Variants in DGKD observed in about 807,000 individuals in gnomAD.
DGKD encodes DAG kinase delta.
DGKD carries 68 observed loss-of-function variants against 154.4 expected under a neutral mutation model. The ratio of observed to expected loss-of-function variants is 0.44; its 90% CI spans 0.36 to 0.54. DGKD has a LOEUF of 0.54. Among genes scored for constraint, DGKD ranks in the 20% least tolerant of loss-of-function variants. The pLI, the probability that DGKD is intolerant of heterozygous loss-of-function variation, is 0.00. For missense variants in DGKD, 1,343 were observed against 1,593.6 expected (o/e 0.84, Z 2.68); for synonymous variants, 693 against 638.0 (o/e 1.09, Z -1.30).
chr2:233,427,322 C>G (rs2062341178), intron 3 of DGKD, among the ~76,000 whole-genome samples: 1 of 144,910 alleles, frequency 6.9e-6, no homozygotes, highest in African/African-American at 2.6e-5. Context: ...CTGTTGAGTT[C>G]AGTTTATTGC....
chr2:233,430,434 G>A lies in DGKD; in HGVS notation c.349-3946G>A, dbSNP rs553388508. On this transcript the variant is annotated intron_variant, in intron 3 of 29. Transcript: ENST00000264057. ...GATATTGCTAAGGAGTGATGGCCGG[G>A]ATATGTAATTAAATGGAAAGGCAAA... Among the ~76,000 whole-genome samples the A allele has an allele frequency of 2.0e-5, 3 of 152,302 alleles. No homozygotes were observed. The East Asian group carries it at 5.8e-4, about 29-fold the overall frequency.
intron 1 of DGKD, among the ~76,000 whole-genome samples, chr2:233,381,403 C>T (rs1354687876): frequency 6.6e-6 from 1 of 152,204 alleles, no homozygotes; most frequent in East Asian, 1.9e-4. Flanking sequence ...GACTTTTATG[C>T]TGAAGTTTTA....
chr2:233,364,294 C>G (rs1701923949), intron 1 of DGKD, among the ~76,000 whole-genome samples: 1 of 152,102 alleles, frequency 6.6e-6, no homozygotes, highest in Admixed American at 6.5e-5. Context: ...CCAGCAGACC[C>G]ACACTAAAGG....
intron 10 of DGKD, among the ~76,000 whole-genome samples, chr2:233,444,851 A>G (rs901267676): frequency 4.2e-5 from 5 of 118,492 alleles, no homozygotes; most frequent in African/African-American, 1.7e-4. Context: ...CCTCAAGGAC[A>G]GTAACGCCTC....
chr2:233,438,309 C>T lies in DGKD; in HGVS notation c.1015C>T (p.Leu339Phe). 1 of 1,614,186 alleles carries T rather than the reference C, an allele frequency of 6.2e-7. No individual in the cohort carries two copies. Among genetic ancestry groups the T allele is most frequent in the East Asian group, 2.2e-5 (1 of 44,886 alleles). ...KSGDNQGVKF[L>F]RRFKQLLNPA... ...TGGGGACAACCAGGGTGTGAAGTTC[C>T]TCAGAAGATTCAAACAGCTACTAAA... Residue 339 changes from leucine to phenylalanine, a missense_variant, in exon 9 of 30, where the codon CTC becomes TTC. Leu to Phe is a conservative substitution (Grantham distance 22). Coordinates refer to ENST00000264057, the MANE Select transcript of DGKD (RefSeq NM_152879.3). This position sits in a 1 kb window ranked among gnomAD's most constrained non-coding sequence, Gnocchi z 4.1.
At chr2:233,442,110 ATTGG>A in intron 10 of DGKD, 115 bp downstream of exon 10, 1 of 1,007,202 alleles carries the variant, frequency 9.9e-7, no homozygotes, top group Non-Finnish European at 1.5e-6. Context: ...GCCAGAAACC[ATTGG>A]TGGTTTTGGG....
chr2:233,448,818 G>A (rs1267276452), intron 14 of DGKD, among the ~76,000 whole-genome samples: 1 of 152,210 alleles, frequency 6.6e-6, no homozygotes, highest in Non-Finnish European at 1.5e-5. Flanking sequence ...CAGAGGCTAA[G>A]GTGAAGTTAC....
At chr2:233,355,142 C>T (rs1221840042) in intron 1 of DGKD, among the ~76,000 whole-genome samples, 3 of 152,084 alleles carry the variant, frequency 2.0e-5, no homozygotes, top group East Asian at 1.9e-4. Context: ...GCAGACTTCC[C>T]TGTGGTGCCC....
At chr2:233,429,139 T>C (rs1186060284) in intron 3 of DGKD, 39 of 985,216 alleles carry the variant, frequency 4.0e-5, no homozygotes, top group Non-Finnish European at 4.7e-5. Context: ...CAAAGATCCA[T>C]CTTCTCAAAC....
In DGKD at chr2:233,354,580, C is replaced by G; in HGVS notation, c.62C>G (p.Pro21Arg). Residue 21 changes from proline to arginine, a missense_variant, in exon 1 of 30, where the codon CCC becomes CGC. By Grantham distance (103) the Pro-to-Arg change is moderately radical. This residue lies in a region of DGKD where 57 missense variants were observed against 27.8 expected (regional missense o/e 2.05). Transcript: ENST00000264057. The surrounding 1 kb of genome is among the most constrained non-coding windows in gnomAD (Gnocchi z 4.8). ...GPPQPPPPPP[P>R]EESSDSEPEA... Reference sequence around the variant, plus strand: ...CCGCAACCGCCTCCGCCGCCGCCGCCCGAGGAGTCGTCCGACAGCGAGCCC... The same window carrying G: ...CCGCAACCGCCTCCGCCGCCGCCGCGCGAGGAGTCGTCCGACAGCGAGCCC... The G allele has an allele frequency of 9.1e-7, 1 of 1,099,240 alleles. No individual in the cohort carries two copies. Among genetic ancestry groups the G allele is most frequent in the Non-Finnish European group, 1.1e-6 (1 of 889,066 alleles). The allele number at this position is 1,099,240 out of a possible 1,614,324, so 68.1% of individuals were successfully genotyped here.
intron 3 of DGKD, among the ~76,000 whole-genome samples, chr2:233,411,826 C>T (rs776305462): frequency 3.9e-5 from 6 of 152,142 alleles, no homozygotes; most frequent in Non-Finnish European, 7.4e-5. Context: ...TTCCCCCGAC[C>T]CCCATATGGA....
chr2:233,467,325 A>G, intron 28 of DGKD, 122 bp downstream of exon 28: 2 of 738,926 alleles, frequency 2.7e-6, no homozygotes, highest in South Asian at 3.2e-5. Flanking sequence ...CTGTGCTGTA[A>G]CCCCCGGTCC....
At chr2:233,419,850 G>C (rs893450095) in intron 3 of DGKD, among the ~76,000 whole-genome samples, 1 of 152,096 alleles carries the variant, frequency 6.6e-6, no homozygotes, top group South Asian at 2.1e-4. Flanking sequence ...AGGTTTCTAG[G>C]GTGTGATGTT....
At chr2:233,416,162 C>T (rs1160315578) in intron 3 of DGKD, among the ~76,000 whole-genome samples, 1 of 152,080 alleles carries the variant, frequency 6.6e-6, no homozygotes, top group Admixed American at 6.5e-5. Context: ...GTAGAATACA[C>T]ATAACATAAA....
At chr2:233,428,874 T>C (rs566095779) in intron 3 of DGKD, among the ~76,000 whole-genome samples, 1 of 151,630 alleles carries the variant, frequency 6.6e-6, no homozygotes, top group African/African-American at 2.4e-5. Flanking sequence ...GAGGTTTTTT[T>C]TTGTTGTTGT....
intron 2 of DGKD, chr2:233,388,755 T>G (rs1266127276): frequency 6.9e-6 from 1 of 144,650 alleles, no homozygotes; most frequent in African/African-American, 2.6e-5. Context: ...TTTTTTTTTT[T>G]TTTTTTTTGA....
At chr2:233,469,292 C>T (rs140200365) in intron 29 of DGKD, 79 bp from the exon 30 acceptor site, 61 of 1,263,858 alleles carry the variant, frequency 4.8e-5, no homozygotes, top group East Asian at 9.8e-5. Context: ...TGGGAAGGGC[C>T]GTTGTGGCAG....
At chr2:233,374,435 G>A (rs1702471087) in intron 1 of DGKD, among the ~76,000 whole-genome samples, 2 of 152,144 alleles carry the variant, frequency 1.3e-5, no homozygotes, top group East Asian at 3.9e-4. Context: ...CTTGGGCTCA[G>A]GTGATTTTCC....
At chr2:233,400,081 C>A (rs1190887107) in intron 3 of DGKD, among the ~76,000 whole-genome samples, 1 of 152,220 alleles carries the variant, frequency 6.6e-6, no homozygotes, top group African/African-American at 2.4e-5. Context: ...GTTTCTTCTC[C>A]TCACTGAGAG....
Sources: gnomAD v4.1 joint callset for allele counts (sites outside exome capture counted in the v4.1 genomes callset) on GRCh38, gnomAD v4.1.1 for gene constraint, gnomAD v4.1.1 regional missense constraint, Gnocchi (gnomAD v3.1) non-coding constraint, MANE v1.5 for transcripts, NCBI Gene and HGNC (gene_info 2026-07-23, HGNC 2026-07-21) for gene names.